The following SLC26A7 variants were observed in gnomAD, a reference collection of about 807,000 sequenced individuals.
The protein encoded by SLC26A7 is anion exchange transporter.
SLC26A7 carries 59 observed loss-of-function variants against 82.5 expected under a neutral mutation model. The observed-to-expected ratio is 0.72, with a 90% CI of 0.58 to 0.89. The LOEUF (loss-of-function observed/expected upper bound fraction) is 0.89. Ranked by LOEUF, SLC26A7 falls within the 40% of genes least tolerant of loss-of-function variation. The pLI is 0.00. For synonymous variants in SLC26A7, 271 were observed against 274.3 expected (o/e 0.99, Z 0.12); for missense variants, 820 against 793.0 (o/e 1.03, Z -0.41).
chr8:91,315,638 A>G (rs1174061164), intron 4 of SLC26A7, among the ~76,000 whole-genome samples: 1 of 152,212 alleles, frequency 6.6e-6, no homozygotes, highest in Non-Finnish European at 1.5e-5. Flanking sequence ...GGCCCCCCAT[A>G]TTCTTTTCTT....
At position 91,353,393 on chromosome 8, in the gene SLC26A7, G is replaced by A. The variant is rs1343526279; in HGVS notation, c.1314+397G>A. 3.3e-5 allele frequency among the ~76,000 whole-genome samples: 5 copies of A among 152,104 alleles called. No homozygotes were observed. The South Asian group carries it at 6.2e-4, about 19-fold the overall frequency. On this transcript the variant is annotated intron_variant, in intron 11 of 18. Coordinates refer to ENST00000276609, the MANE Select transcript of SLC26A7 (RefSeq NM_052832.4). ...GAATCACTAAGAATGCACGCTGCGC[G>A]CATATAGGGTGAACCTCTTAATGGT...
At chr8:91,357,821 C>T (rs945853665) in intron 11 of SLC26A7, among the ~76,000 whole-genome samples, 1 of 152,272 alleles carries the variant, frequency 6.6e-6, no homozygotes, top group Middle Eastern at 3.4e-3. Context: ...AGTGAACAGG[C>T]AACCTACAAA....
At position 91,352,920 on chromosome 8, in the gene SLC26A7, T is replaced by C; in HGVS notation, c.1238T>C (p.Ile413Thr). The C allele has an allele frequency of 6.2e-7, 1 of 1,606,432 alleles. No individual in the cohort carries two copies. Among genetic ancestry groups the C allele is most frequent in the Non-Finnish European group, 8.5e-7 (1 of 1,176,764 alleles). The change falls in exon 11 of 19, where the codon ATT (isoleucine) becomes ACT (threonine). Residue 413 changes from isoleucine to threonine, a missense_variant. Physicochemically the swap from Ile to Thr is moderately conservative, Grantham distance 89. Transcript: ENST00000276609. ...TTCTAGTGTGTCCTTGCAAGCATTA[T>C]TGTTGTGGGACTGAAGGGAATGCTA... The part of the protein sequence containing the change: ...WLPMCVLASI[I>T]VVGLKGMLIQ...
intron 2 of SLC26A7, among the ~76,000 whole-genome samples, chr8:91,257,569 G>C (rs1810838676): frequency 6.6e-6 from 1 of 151,932 alleles, no homozygotes; most frequent in Non-Finnish European, 1.5e-5. Flanking sequence ...TCATAGCCAT[G>C]AGCCTCAGAC....
At chr8:91,283,728 C>T (rs1326443020) in intron 2 of SLC26A7, among the ~76,000 whole-genome samples, 1 of 152,132 alleles carries the variant, frequency 6.6e-6, no homozygotes, top group Non-Finnish European at 1.5e-5. Context: ...CATCACTCTG[C>T]CATCTCCACT....
At chr8:91,244,678 AATT>A (rs1182769155), upstream of SLC26A7, among the ~76,000 whole-genome samples, 1 of 150,062 alleles carries the variant, frequency 6.7e-6, no homozygotes, top group Non-Finnish European at 1.5e-5. Flanking sequence ...TAAATTTTTC[AATT>A]ATTATTATTA....
rs544079592 is a variant in SLC26A7, at chr8:91,316,725, A to G, written c.478-1491A>G. Reference sequence around the variant, plus strand: ...TGCTTATACTTGTGAATGTAATTTAACATTACTTTCAAAATAGTAAATTTT... The same window carrying G: ...TGCTTATACTTGTGAATGTAATTTAGCATTACTTTCAAAATAGTAAATTTT... On this transcript the variant is annotated intron_variant, in intron 4 of 18. Coordinates refer to ENST00000276609, the MANE Select transcript of SLC26A7 (RefSeq NM_052832.4). 4.0e-5 allele frequency among the ~76,000 whole-genome samples: 6 copies of G among 151,480 alleles called. No individual in the cohort carries two copies. The East Asian group carries it at 1.2e-3, about 29-fold the overall frequency.
intron 2 of SLC26A7, among the ~76,000 whole-genome samples, chr8:91,237,344 C>G (rs1021056249): frequency 6.6e-6 from 1 of 152,162 alleles, no homozygotes; most frequent in Non-Finnish European, 1.5e-5. Context: ...ATCTGAAATT[C>G]AAATTCAACT....
intron 2 of SLC26A7, among the ~76,000 whole-genome samples, chr8:91,230,837 GT>G (rs1810301718): frequency 6.6e-6 from 1 of 152,258 alleles, no homozygotes; most frequent in East Asian, 1.9e-4. Context: ...AATTAAGAGG[GT>G]ATAATCAAGC....
intron 2 of SLC26A7, among the ~76,000 whole-genome samples, chr8:91,261,059 C>A (rs773656021): frequency 2.6e-5 from 4 of 152,086 alleles, no homozygotes; most frequent in Non-Finnish European, 5.9e-5. Context: ...CCACCACAAA[C>A]CAGTTACCAC....
At chr8:91,254,669 G>A (rs1185695807) in intron 2 of SLC26A7, among the ~76,000 whole-genome samples, 3 of 152,032 alleles carry the variant, frequency 2.0e-5, no homozygotes, top group Non-Finnish European at 2.9e-5. Context: ...ATATAGAGAT[G>A]TATAAAATAA....
chr8:91,353,962 T>C (rs1813793416), intron 11 of SLC26A7, among the ~76,000 whole-genome samples: 1 of 152,038 alleles, frequency 6.6e-6, no homozygotes, highest in Admixed American at 6.6e-5. Flanking sequence ...AGTAAGAGCT[T>C]AGTTTTGGGG....
intron 2 of SLC26A7, among the ~76,000 whole-genome samples, chr8:91,225,643 G>GTTTT (rs55732709): frequency 0.011 from 404 of 36,130 alleles, 52 homozygotes; most frequent in African/African-American, 0.028. Flanking sequence ...CTAGAAAAGT[G>GTTTT]TTTTTTTTTT....
In SLC26A7 at chr8:91,395,085, C is replaced by A; in HGVS notation, c.1959C>A (p.His653Gln). 1.2e-6 allele frequency: 2 copies of A among 1,613,460 alleles called. No individual in the cohort carries two copies. Among genetic ancestry groups the A allele is most frequent in the South Asian group, 1.1e-5 (1 of 91,066 alleles). ...AGAATTTGAGCAAACTCAGTGACCA[C>A]AGTGAAGTCTGAGACCCTTTTGTCA... is the stretch of plus-strand genomic sequence containing the variant. ...SNKNLSKLSDHSEV is the reference protein window; with the variant it reads ...SNKNLSKLSDQSEV Residue 653 changes from histidine (H) to glutamine (Q), a missense_variant, in exon 19 of 19, where the codon CAC (histidine) becomes CAA (glutamine). His to Gln is a conservative substitution (Grantham distance 24). Transcript: ENST00000276609.
rs536382190 is a variant in SLC26A7 at position 91,377,637 on chromosome 8, G to A, written c.1675+7804G>A. Among the ~76,000 whole-genome samples the A allele has an allele frequency of 7.2e-5, 11 of 152,270 alleles. No individual in the cohort carries two copies. In the South Asian group the frequency reaches 2.3e-3, roughly 32 times the overall value. ...TGGTCACCTGGTTCTTTGACCCTGAGAAGTTCTCAAGTTGCCACCAACAGC... is the reference window on the plus strand; with the variant it reads ...TGGTCACCTGGTTCTTTGACCCTGAAAAGTTCTCAAGTTGCCACCAACAGC... On this transcript the variant is annotated intron_variant, in intron 15 of 18. Coordinates refer to ENST00000276609, the MANE Select transcript of SLC26A7 (RefSeq NM_052832.4).
chr8:91,219,026 C>A, intron 2 of SLC26A7: 1 of 1,308,942 alleles, frequency 7.6e-7, no homozygotes, highest in Non-Finnish European at 1.1e-6. Flanking sequence ...CATTCATAGC[C>A]TCACTCCACT....
Position 91,398,102 on chromosome 8 carries a change from T to TAAC in SLC26A7, c.*3009_*3011dup, listed in dbSNP as rs1808621730. On this transcript the variant is annotated 3_prime_UTR_variant, in exon 19 of 19. Coordinates refer to ENST00000276609, the MANE Select transcript of SLC26A7 (RefSeq NM_052832.4). Reference sequence around the variant, plus strand: ...TAATTCTTTGTACTAACTCAGCATGTAACAACCAATTTACATGGAAATAAA... The same window carrying TAAC: ...TAATTCTTTGTACTAACTCAGCATGTAACAACAACCAATTTACATGGAAATAAA... The TAAC allele has an allele frequency of 6.6e-6, 1 of 152,598 alleles. No homozygotes were observed. The highest frequency in any genetic ancestry group is 2.4e-5 in the African/African-American group (1 of 41,464). 9.5% of individuals were successfully genotyped at this position (152,598 alleles called of 1,614,324 possible). A position where few individuals can be genotyped will look rare whatever the true frequency, so the allele number is the denominator to read the frequency against.
At chr8:91,389,197 A>C in intron 15 of SLC26A7, 141 bp from the exon 16 acceptor site, 1 of 639,996 alleles carries the variant, frequency 1.6e-6, no homozygotes, top group South Asian at 2.0e-5. Flanking sequence ...TTAATAATTT[A>C]CTGAAAAATG....
intron 8 of SLC26A7, among the ~76,000 whole-genome samples, chr8:91,342,449 T>C (rs1337550939): frequency 6.6e-6 from 1 of 152,244 alleles, no homozygotes; most frequent in East Asian, 1.9e-4. Context: ...GAATTTGCAA[T>C]AATCCAAGTG....
Sources: gnomAD v4.1 joint callset for allele counts (sites outside exome capture counted in the v4.1 genomes callset) on GRCh38, gnomAD v4.1.1 for gene constraint, MANE v1.5 for transcripts, NCBI Gene and HGNC (gene_info 2026-07-23, HGNC 2026-07-21) for gene names.